SH3RF1: variants seen among roughly 807,000 people sequenced by gnomAD.
SH3RF1 encodes the protein SH3 domain containing ring finger 1.
In SH3RF1, 32 loss-of-function variants were observed where a neutral mutation model predicts 74.0. That is an observed-to-expected ratio of 0.43 (90% confidence interval 0.33 to 0.58). SH3RF1 has a LOEUF of 0.58. Ranked by LOEUF, SH3RF1 falls within the 20% of genes least tolerant of loss-of-function variation. The pLI is 0.05. For synonymous variants in SH3RF1, 396 were observed against 439.6 expected (o/e 0.90, Z 1.24); for missense variants, 954 against 1,130.9 (o/e 0.84, Z 2.24).
At chr4:169,113,012 T>A (rs764252748) in intron 10 of SH3RF1, among the ~76,000 whole-genome samples, 6 of 152,030 alleles carry the variant, frequency 3.9e-5, no homozygotes, top group African/African-American at 1.5e-4. Context: ...CAGAGAAAAA[T>A]AGCAGAAGAA....
chr4:169,117,655 C>T lies in SH3RF1; in HGVS notation c.1645G>A (p.Ala549Thr). Residue 549 changes from alanine (A) to threonine (T), a missense_variant, in exon 9 of 12, where the codon GCT becomes ACT. By Grantham distance (58) the Ala-to-Thr change is moderately conservative (BLOSUM62 0). Transcript: ENST00000284637. ...PAQKLQGNGV[A>T]GSPSVVPAAV... The stretch of plus-strand genomic sequence containing the variant: ...GCGGGGACAACACTGGGACTCCCAG[C>T]CACGCCATTTCCCTGGAGCTTCTGG... 6.2e-7 allele frequency: 1 copy of T among 1,614,224 alleles called. No homozygotes were observed. Among genetic ancestry groups the T allele is most frequent in the Non-Finnish European group, 8.5e-7 (1 of 1,180,042 alleles).
intron 10 of SH3RF1, among the ~76,000 whole-genome samples, chr4:169,107,733 G>A (rs935280489): frequency 6.6e-6 from 1 of 152,152 alleles, no homozygotes; most frequent in Non-Finnish European, 1.5e-5. Flanking sequence ...AGGCATGGAC[G>A]TGAGCCTTAT....
chr4:169,216,977 C>A (rs1416002141), intron 2 of SH3RF1, among the ~76,000 whole-genome samples: 1 of 138,794 alleles, frequency 7.2e-6, no homozygotes, highest in Non-Finnish European at 1.5e-5. Flanking sequence ...ATGGCGAAAC[C>A]CCATCTCTAC....
At chr4:169,184,422 C>T (rs923151651) in intron 2 of SH3RF1, among the ~76,000 whole-genome samples, 8 of 152,218 alleles carry the variant, frequency 5.3e-5, no homozygotes, top group African/African-American at 9.6e-5. Context: ...CCAACATGGG[C>T]TGTGAAGTCA....
intron 2 of SH3RF1, among the ~76,000 whole-genome samples, chr4:169,167,657 AC>A (rs1734269456): frequency 6.6e-6 from 1 of 152,200 alleles, no homozygotes; most frequent in Admixed American, 6.5e-5. Context: ...ATATTCAAAA[AC>A]AGGTGAAACG....
chr4:169,236,259 C>T (rs1266189673), intron 2 of SH3RF1, among the ~76,000 whole-genome samples: 1 of 152,218 alleles, frequency 6.6e-6, no homozygotes, highest in Admixed American at 6.5e-5. Flanking sequence ...GGAAGTAAAA[C>T]ATGTCACTTC....
rs781130323 is a variant in SH3RF1, at chr4:169,107,224, G to A, written c.2140-19C>T. 2.6e-6 allele frequency: 4 copies of A among 1,516,848 alleles called. No individual in the cohort carries two copies. Among genetic ancestry groups the A allele is most frequent in the South Asian group, 1.3e-5 (1 of 76,172 alleles). 94.0% of individuals were successfully genotyped at this position (1,516,848 alleles called of 1,614,324 possible). On this transcript the variant is annotated intron_variant, in intron 10 of 11. Transcript: ENST00000284637. ...TTTCTTTCTGGAAAAAAAAAATAATGAGCCTTAGTTGGAGAATGACAGTAC... is the reference window on the plus strand; with the variant it reads ...TTTCTTTCTGGAAAAAAAAAATAATAAGCCTTAGTTGGAGAATGACAGTAC...
At chr4:169,249,182 C>T (rs1248173258) in intron 2 of SH3RF1, among the ~76,000 whole-genome samples, 2 of 152,116 alleles carry the variant, frequency 1.3e-5, no homozygotes, top group East Asian at 1.9e-4. Flanking sequence ...GAGCCGAGAT[C>T]GTCCCACTGC....
chr4:169,248,446 A>C (rs1425208127), intron 2 of SH3RF1, among the ~76,000 whole-genome samples: 1 of 152,162 alleles, frequency 6.6e-6, no homozygotes, highest in South Asian at 2.1e-4. Flanking sequence ...ATGAAAACAC[A>C]TGGATACAGG....
intron 4 of SH3RF1, among the ~76,000 whole-genome samples, chr4:169,140,161 T>C (rs1163295882): frequency 6.6e-6 from 1 of 152,236 alleles, no homozygotes; most frequent in Non-Finnish European, 1.5e-5. Context: ...TTAAGACTAT[T>C]TGGTAGAGGC....
At chr4:169,215,863 G>C (rs572689206) in intron 2 of SH3RF1, among the ~76,000 whole-genome samples, 1 of 152,136 alleles carries the variant, frequency 6.6e-6, no homozygotes, top group South Asian at 2.1e-4. Context: ...GGGTGCAGTG[G>C]TGCAATCATG....
chr4:169,251,706 T>C (rs944436337), intron 2 of SH3RF1, among the ~76,000 whole-genome samples: 2 of 152,134 alleles, frequency 1.3e-5, no homozygotes, highest in Non-Finnish European at 2.9e-5. Context: ...CAATGCAGAG[T>C]GACCTCACCT....
intron 2 of SH3RF1, among the ~76,000 whole-genome samples, chr4:169,189,743 C>T (rs975290855): frequency 2.0e-5 from 3 of 152,116 alleles, no homozygotes; most frequent in Non-Finnish European, 4.4e-5. Flanking sequence ...TTGCTCGAAT[C>T]CCCAAAGTTT....
At chr4:169,195,278 G>T (rs1734790697) in intron 2 of SH3RF1, among the ~76,000 whole-genome samples, 1 of 152,196 alleles carries the variant, frequency 6.6e-6, no homozygotes. Context: ...TAAGAAGTCA[G>T]CTACTACTAC....
intron 2 of SH3RF1, among the ~76,000 whole-genome samples, chr4:169,255,094 T>C (rs1731164535): frequency 1.3e-5 from 2 of 152,206 alleles, no homozygotes; most frequent in Non-Finnish European, 2.9e-5. Context: ...GGCACTGGAA[T>C]AAGTTTGTAT....
intron 4 of SH3RF1, among the ~76,000 whole-genome samples, chr4:169,151,831 A>C (rs901079326): frequency 2.0e-5 from 3 of 152,214 alleles, no homozygotes; most frequent in South Asian, 4.1e-4. Flanking sequence ...AAACTTAATA[A>C]AAATTTATAG....
chr4:169,108,487 C>T (rs754469865), intron 10 of SH3RF1, among the ~76,000 whole-genome samples: 19 of 152,176 alleles, frequency 1.2e-4, no homozygotes, highest in Non-Finnish European at 2.2e-4. Flanking sequence ...CCCCAGTTAC[C>T]TAACGCTGCT....
chr4:169,264,638 TC>T (rs1731325405), intron 2 of SH3RF1, among the ~76,000 whole-genome samples: 1 of 152,220 alleles, frequency 6.6e-6, no homozygotes, highest in South Asian at 2.1e-4. Flanking sequence ...TGACACAAGC[TC>T]CAATCCCGTA....
chr4:169,234,040 T>C (rs1730786150), intron 2 of SH3RF1, among the ~76,000 whole-genome samples: 1 of 152,202 alleles, frequency 6.6e-6, no homozygotes, highest in African/African-American at 2.4e-5. Context: ...TCCTTTCTGA[T>C]GTCACTCTGT....
Sources: allele counts gnomAD v4.1 joint callset (sites outside exome capture counted in the v4.1 genomes callset), GRCh38; gene constraint gnomAD v4.1.1; transcripts MANE v1.5; gene names NCBI Gene and HGNC (gene_info 2026-07-23, HGNC 2026-07-21).